PPP6C: variants seen among roughly 807,000 people sequenced by gnomAD.
The protein encoded by PPP6C is protein phosphatase 6 catalytic subunit.
PPP6C carries 11 observed loss-of-function variants against 39.8 expected under a neutral mutation model. The observed-to-expected ratio is 0.28, with a 90% CI of 0.17 to 0.46. The LOEUF (loss-of-function observed/expected upper bound fraction) is 0.46. Ranked by LOEUF, PPP6C falls within the 20% of genes least tolerant of loss-of-function variation. The pLI, the probability that PPP6C is intolerant of heterozygous loss-of-function variation, is 1.00. For synonymous variants in PPP6C, 129 were observed against 130.3 expected (o/e 0.99, Z 0.07); for missense variants, 211 against 373.9 (o/e 0.56, Z 3.59).
intron 2 of PPP6C, among the ~76,000 whole-genome samples, chr9:125,168,385 T>A (rs182122858): frequency 7.2e-4 from 109 of 152,338 alleles, no homozygotes; most frequent in African/African-American, 2.5e-3. Flanking sequence ...TCCCAAAGGA[T>A]ACATTTTACA....
At chr9:125,178,505 A>G (rs1311813886) in intron 1 of PPP6C, among the ~76,000 whole-genome samples, 2 of 152,154 alleles carry the variant, frequency 1.3e-5, no homozygotes, top group South Asian at 2.1e-4. Context: ...TTACTTTATT[A>G]TATCTTACTA....
intron 1 of PPP6C, among the ~76,000 whole-genome samples, chr9:125,181,152 G>A (rs1829413246): frequency 6.6e-6 from 1 of 152,056 alleles, no homozygotes; most frequent in African/African-American, 2.4e-5. Context: ...TAAACGCTAC[G>A]TGACTCAATC....
In PPP6C at chr9:125,153,529, T is replaced by C. The variant is rs760452988; in HGVS notation, c.669+4A>G. The C allele has an allele frequency of 1.9e-6, 3 of 1,613,776 alleles. No individual in the cohort carries two copies. The highest frequency in any genetic ancestry group is 2.5e-6 in the Non-Finnish European group (3 of 1,179,796). On this transcript the variant is annotated splice_donor_region_variant and intron_variant, in intron 6 of 6. Transcript: ENST00000373547. ...AATTACATTTCCAAAAATGTTGGCT[T>C]TACCTCATTTGTGACCTTTGCTCCA...
At chr9:125,151,172 G>C (rs1026510125) in intron 6 of PPP6C, 20 of 1,483,746 alleles carry the variant, frequency 1.3e-5, no homozygotes, top group Non-Finnish European at 1.7e-5. Flanking sequence ...GGAGCTAAGA[G>C]AGTGACCTCC....
intron 2 of PPP6C, among the ~76,000 whole-genome samples, chr9:125,170,015 T>C (rs1271429872): frequency 6.6e-6 from 1 of 152,172 alleles, no homozygotes; most frequent in Non-Finnish European, 1.5e-5. Context: ...GCAGGGAAAT[T>C]GCACAGGTGA....
chr9:125,185,912 G>C (rs748732065), intron 1 of PPP6C, among the ~76,000 whole-genome samples: 13 of 152,100 alleles, frequency 8.5e-5, no homozygotes, highest in Middle Eastern at 3.4e-3. Context: ...TTGAACCCGG[G>C]AGGCAGAGGT....
chr9:125,151,252 G>A, intron 6 of PPP6C: 2 of 1,501,846 alleles, frequency 1.3e-6, no homozygotes, highest in South Asian at 2.3e-5. Context: ...ACCGCATGGT[G>A]CTTGTGGGAG....
At chr9:125,159,221 T>G (rs1187747796) in intron 3 of PPP6C, among the ~76,000 whole-genome samples, 1 of 149,794 alleles carries the variant, frequency 6.7e-6, no homozygotes, top group Non-Finnish European at 1.5e-5. Flanking sequence ...TATTTTTTTT[T>G]TTTTTTTAGT....
At chr9:125,156,744 G>GCGCTCT (rs763621443) in intron 4 of PPP6C, among the ~76,000 whole-genome samples, 3 of 141,342 alleles carry the variant, frequency 2.1e-5, no homozygotes, top group Non-Finnish European at 4.6e-5. Context: ...TAATAAGCTC[G>GCGCTCT]CTCTCTCTCT....
Position 125,147,558 on chromosome 9 carries a change from TGAAGA to T in PPP6C, c.*2110_*2114del, listed in dbSNP as rs770328053. ...TCCATGCAAAAAGCCATTATTCAGT[TGAAGA>T]GAAATCAGGCAAAACAGAGATGGCA... On this transcript the variant is annotated 3_prime_UTR_variant, in exon 7 of 7. Transcript: ENST00000373547. 5.9e-5 allele frequency: 9 copies of T among 152,126 alleles called. No homozygotes were observed. The highest frequency in any genetic ancestry group is 1.9e-4 in the East Asian group (1 of 5,200). The allele number at this position is 152,126 out of a possible 1,614,324, so 9.4% of individuals were successfully genotyped here.
chr9:125,168,783 AC>A (rs1829080594), intron 2 of PPP6C, among the ~76,000 whole-genome samples: 2 of 136,128 alleles, frequency 1.5e-5, no homozygotes, highest in Non-Finnish European at 3.4e-5. Context: ...TTTTTTCGAG[AC>A]AGAGTCTCAC....
At position 125,164,817 on chromosome 9, in the gene PPP6C, C is replaced by A. The variant is rs1286918321; in HGVS notation, c.172-3911G>T. ...GCAGTGGCATGATCTCGGCTCACTG[C>A]AACCTCCACCTCCCAGGTTCACGTC... On this transcript the variant is annotated intron_variant, in intron 2 of 6. Transcript: ENST00000373547. Among the ~76,000 whole-genome samples, 6 of 152,124 alleles carry A rather than the reference C, an allele frequency of 3.9e-5. 1 individual carries two copies.
rs1564154773 is a variant in PPP6C, at chr9:125,172,749, AC to A, written c.76-1570del. On this transcript the variant is annotated intron_variant, in intron 1 of 6. Transcript: ENST00000373547. ...CACACACACACACACACACACACAC[AC>A]AAACACACACACACACACACAAACA... Among the ~76,000 whole-genome samples, 1,399 of 143,584 alleles carry A rather than the reference AC, an allele frequency of 9.7e-3. 18 individuals carry two copies. Among genetic ancestry groups the A allele is most frequent in the African/African-American group, 0.036 (1,239 of 34,808 alleles). 94.2% of individuals were successfully genotyped at this position (143,584 alleles called of 152,430 possible).
chr9:125,189,583 G>A (rs1029490355), intron 1 of PPP6C, 61 bp downstream of exon 1: 5 of 1,608,136 alleles, frequency 3.1e-6, no homozygotes, highest in Non-Finnish European at 2.5e-6. Context: ...CCTGGAGAAA[G>A]GAAGGGCCGG....
chr9:125,172,458 C>T (rs1005381045), intron 1 of PPP6C, among the ~76,000 whole-genome samples: 2 of 152,126 alleles, frequency 1.3e-5, no homozygotes, highest in African/African-American at 2.4e-5. Flanking sequence ...CTGCCCGCTT[C>T]GGCCTCCCAA....
chr9:125,165,930 G>A (rs1388938629), intron 2 of PPP6C, among the ~76,000 whole-genome samples: 3 of 150,572 alleles, frequency 2.0e-5, no homozygotes, highest in Non-Finnish European at 4.4e-5. Context: ...CTAAGTAGCC[G>A]AGATTACAGG....
intron 1 of PPP6C, among the ~76,000 whole-genome samples, chr9:125,178,738 TATCACCA>T (rs1215800427): frequency 6.6e-6 from 1 of 152,170 alleles, no homozygotes; most frequent in African/African-American, 2.4e-5. Flanking sequence ...GCCACCCACG[TATCACCA>T]AGCTTCACTG....
intron 1 of PPP6C, among the ~76,000 whole-genome samples, chr9:125,184,212 C>G (rs182362445): frequency 4.4e-4 from 67 of 152,076 alleles, no homozygotes; most frequent in African/African-American, 1.5e-3. Context: ...ACAGTGAAAC[C>G]CCATCTTTAC....
rs200300771 is a variant in PPP6C, at chr9:125,149,859, A to G, written c.732T>C (p.Tyr244=). The change falls in exon 7 of 7, where the codon TAT becomes TAC. Residue 244 remains tyrosine (Y), a synonymous_variant. Transcript: ENST00000373547. ...CRAHQLVHEG[Y]KFMFDEKLVT... is the part of the protein sequence containing the mutation. ...CCAGCTTCTCATCAAACATAAATTTATAGCCTTCGTGCACTAGTTGATGTG... is the reference window on the plus strand; with the variant it reads ...CCAGCTTCTCATCAAACATAAATTTGTAGCCTTCGTGCACTAGTTGATGTG... 170 of 1,614,194 alleles carry G rather than the reference A, an allele frequency of 1.1e-4. No homozygotes were observed. Among genetic ancestry groups the G allele is most frequent in the Non-Finnish European group, 1.4e-4 (166 of 1,180,032 alleles).
Sources: gnomAD v4.1 joint callset for allele counts (sites outside exome capture counted in the v4.1 genomes callset) on GRCh38, gnomAD v4.1.1 for gene constraint, MANE v1.5 for transcripts, NCBI Gene and HGNC (gene_info 2026-07-23, HGNC 2026-07-21) for gene names.